Variants in PTPRO observed in about 807,000 individuals in gnomAD.
The protein encoded by PTPRO is receptor-type tyrosine-protein phosphatase O.
PTPRO carries 62 observed loss-of-function variants against 145.2 expected under a neutral mutation model. That is an observed-to-expected ratio of 0.43 (90% CI 0.35 to 0.53). The LOEUF (loss-of-function observed/expected upper bound fraction) is 0.53. Among genes scored for constraint, PTPRO ranks in the 20% least tolerant of loss-of-function variants. PTPRO has a pLI of 0.01. For missense variants in PTPRO, 1,345 were observed against 1,482.7 expected, an observed-to-expected ratio of 0.91 and a Z score of 1.53; for synonymous variants, 565 against 514.7, an observed-to-expected ratio of 1.10 and a Z score of -1.32.
intron 1 of PTPRO, among the ~76,000 whole-genome samples, chr12:15,437,929 G>C (rs1319851823): frequency 6.6e-6 from 1 of 152,122 alleles, no homozygotes; most frequent in African/African-American, 2.4e-5. Context: ...AGGGACCTCA[G>C]ACCAATGTGT....
intron 8 of PTPRO, among the ~76,000 whole-genome samples, chr12:15,515,992 G>GTTGGTTTTTTTTTTTTTTTTT (rs1942573002): frequency 7.9e-6 from 1 of 126,846 alleles, no homozygotes; most frequent in Non-Finnish European, 1.6e-5. Context: ...TTTTTGTTTT[G>GTTGGTTTTTTTTTTTTTTTTT]TTTTTTTTTT....
intron 1 of PTPRO, among the ~76,000 whole-genome samples, chr12:15,370,604 T>C (rs1938497720): frequency 6.6e-6 from 1 of 152,192 alleles, no homozygotes; most frequent in South Asian, 2.1e-4. Flanking sequence ...GTAATATATG[T>C]ATGAGAGGTG....
At chr12:15,566,802 T>G (rs1943911239) in intron 18 of PTPRO, among the ~76,000 whole-genome samples, 1 of 152,212 alleles carries the variant, frequency 6.6e-6, no homozygotes, top group South Asian at 2.1e-4. Flanking sequence ...ATTACAGGCA[T>G]GAGGCACCGT....
intron 6 of PTPRO, 25 bp downstream of exon 6, chr12:15,504,094 C>A: frequency 6.3e-7 from 1 of 1,593,206 alleles, no homozygotes; most frequent in Non-Finnish European, 8.6e-7. Context: ...GATCATTTTA[C>A]ACTTACTGGG....
intron 19 of PTPRO, 24 bp from the exon 20 acceptor site, chr12:15,578,829 A>G: frequency 6.5e-7 from 1 of 1,528,190 alleles, no homozygotes; most frequent in Non-Finnish European, 9.1e-7. Context: ...TGGAACTCTC[A>G]AATCCATTCT....
chr12:15,548,842 A>G (rs1237007949), intron 13 of PTPRO, among the ~76,000 whole-genome samples: 2 of 152,162 alleles, frequency 1.3e-5, no homozygotes, highest in African/African-American at 4.8e-5. Flanking sequence ...ACTGTGTCAT[A>G]TATGTTCATA....
intron 1 of PTPRO, among the ~76,000 whole-genome samples, chr12:15,380,419 G>T (rs969458220): frequency 6.6e-6 from 1 of 151,994 alleles, no homozygotes; most frequent in Non-Finnish European, 1.5e-5. Flanking sequence ...AGAAGAAAAG[G>T]TGGATAGGGA....
chr12:15,373,746 AC>A (rs1938599425), intron 1 of PTPRO, among the ~76,000 whole-genome samples: 1 of 152,224 alleles, frequency 6.6e-6, no homozygotes, highest in Non-Finnish European at 1.5e-5. Flanking sequence ...CTTCTTGTTT[AC>A]TAGCAAGGAT....
chr12:15,343,562 C>G (rs1867081892), intron 1 of PTPRO, among the ~76,000 whole-genome samples: 1 of 152,048 alleles, frequency 6.6e-6, no homozygotes, highest in South Asian at 2.1e-4. Context: ...GTGGCTCGCA[C>G]CTGTAGTTCC....
At chr12:15,574,785 C>T (rs540139248) in intron 19 of PTPRO, among the ~76,000 whole-genome samples, 7 of 152,206 alleles carry the variant, frequency 4.6e-5, no homozygotes, top group Admixed American at 6.5e-5. Flanking sequence ...TGTAATCATG[C>T]GATTCAGAAA....
chr12:15,540,666 C>A (rs748081388), intron 12 of PTPRO, among the ~76,000 whole-genome samples: 2 of 152,240 alleles, frequency 1.3e-5, no homozygotes, highest in Non-Finnish European at 2.9e-5. Flanking sequence ...TTACATCTGA[C>A]TATTCCCTTT....
chr12:15,335,280 A>C (rs1013358574), intron 1 of PTPRO, among the ~76,000 whole-genome samples: 1 of 152,064 alleles, frequency 6.6e-6, no homozygotes, highest in Non-Finnish European at 1.5e-5. Flanking sequence ...CGTGAATGTT[A>C]AGTTGATTAA....
intron 18 of PTPRO, among the ~76,000 whole-genome samples, chr12:15,567,757 G>T (rs1328400221): frequency 1.3e-5 from 2 of 152,110 alleles, no homozygotes; most frequent in Non-Finnish European, 2.9e-5. Flanking sequence ...GTTTGAAGTG[G>T]GAAAAGCTTT....
At chr12:15,385,963 A>T (rs901511890) in intron 1 of PTPRO, among the ~76,000 whole-genome samples, 3 of 152,074 alleles carry the variant, frequency 2.0e-5, no homozygotes, top group Non-Finnish European at 4.4e-5. Context: ...TTTCCTTGAG[A>T]TTTTGTAAAT....
chr12:15,333,599 G>A (rs1013664218), intron 1 of PTPRO, among the ~76,000 whole-genome samples: 2 of 152,198 alleles, frequency 1.3e-5, no homozygotes, highest in African/African-American at 4.8e-5. Flanking sequence ...GCAAGCACAG[G>A]GAGTAGAGAA....
At chr12:15,563,996 A>C (rs1943839027) in intron 17 of PTPRO, among the ~76,000 whole-genome samples, 1 of 152,194 alleles carries the variant, frequency 6.6e-6, no homozygotes, top group Admixed American at 6.5e-5. Context: ...TGAATAAAAA[A>C]CATGATCAAT....
chr12:15,466,747 G>C (rs253813), intron 1 of PTPRO, among the ~76,000 whole-genome samples: 64 of 151,712 alleles, frequency 4.2e-4, no homozygotes, highest in Non-Finnish European at 8.1e-4. Context: ...TGCAACCAAC[G>C]TTCATATTCA....
chr12:15,521,169 T>A (rs1473078691), intron 10 of PTPRO, among the ~76,000 whole-genome samples: 1 of 151,994 alleles, frequency 6.6e-6, no homozygotes, highest in Non-Finnish European at 1.5e-5. Flanking sequence ...CTTAGAGGAA[T>A]AATTTTGGCA....
rs1042345007 is a variant in PTPRO, at chr12:15,574,460, G to C, written c.2830-4393G>C. On this transcript the variant is annotated intron_variant, in intron 19 of 26. Transcript: ENST00000281171. ...AGTGTTTGATCAGGATACTAGTAAAGGCCCTCACCATCTCTGTTCAGACAT... is the reference window on the plus strand; with the variant it reads ...AGTGTTTGATCAGGATACTAGTAAACGCCCTCACCATCTCTGTTCAGACAT... 4.6e-5 allele frequency among the ~76,000 whole-genome samples: 7 copies of C among 152,156 alleles called. No homozygotes were observed. In the South Asian group the frequency reaches 1.5e-3, roughly 32 times the overall value.
Sources: allele counts gnomAD v4.1 joint callset (sites outside exome capture counted in the v4.1 genomes callset), GRCh38; gene constraint gnomAD v4.1.1; transcripts MANE v1.5; gene names NCBI Gene and HGNC (gene_info 2026-07-23, HGNC 2026-07-21).